HOXB4: variants seen among roughly 807,000 people sequenced by gnomAD.
HOXB4 encodes homeobox B4.
HOXB4 carries 13 observed loss-of-function variants against 20.0 expected under a neutral mutation model. That is an observed-to-expected ratio of 0.65 (90% CI 0.42 to 1.03). The LOEUF is 1.03. HOXB4 is among the 50% of genes least tolerant of loss of function. HOXB4 has a pLI of 0.00. For missense variants in HOXB4, 343 were observed against 357.1 expected (o/e 0.96, Z 0.32); for synonymous variants, 173 against 148.9 (o/e 1.16, Z -1.18).
At chr17:48,577,489 T>C (rs2069805131) in intron 1 of HOXB4, among the ~76,000 whole-genome samples, 2 of 152,146 alleles carry the variant, frequency 1.3e-5, no homozygotes, top group Non-Finnish European at 2.9e-5. Flanking sequence ...AAAAAATAAA[T>C]ACTGGGAGTT....
Position 48,577,263 on chromosome 17 carries a change from T to C in HOXB4, c.458-243A>G, listed in dbSNP as rs560760089. Among the ~76,000 whole-genome samples the C allele has an allele frequency of 2.6e-5, 4 of 152,088 alleles. No individual in the cohort carries two copies. In the South Asian group the frequency reaches 6.2e-4, roughly 24 times the overall value. ...GGGTGTGTGGTGGGGAAGGGGGGCG[T>C]GTGAGGACTCCCCCAAGGTTTTAAT... On this transcript the variant is annotated intron_variant, in intron 1 of 1. Coordinates refer to ENST00000332503, the MANE Select transcript of HOXB4 (RefSeq NM_024015.5).
chr17:48,576,406 AG>A lies in HOXB4; in HGVS notation c.*315del, dbSNP rs1476387708. 1 of 251,364 alleles carries A rather than the reference AG, an allele frequency of 4.0e-6. No individual in the cohort carries two copies. The highest frequency in any genetic ancestry group is 7.5e-6 in the Non-Finnish European group (1 of 133,210). 15.6% of individuals were successfully genotyped at this position (251,364 alleles called of 1,614,324 possible). A position where few individuals can be genotyped will look rare whatever the true frequency, so the allele number is the denominator to read the frequency against. On this transcript the variant is annotated 3_prime_UTR_variant, in exon 2 of 2. Transcript: ENST00000332503. ...GCCAAAGCTGAAAACGAGGAGCTGCAGCCTCCTCCTATTTCTCTTTCTGTCT... is the reference window on the plus strand; with the variant it reads ...GCCAAAGCTGAAAACGAGGAGCTGCACCTCCTCCTATTTCTCTTTCTGTCT...
At position 48,576,710 on chromosome 17, in the gene HOXB4, C is replaced by A; in HGVS notation, c.*12G>T. On this transcript the variant is annotated 3_prime_UTR_variant, in exon 2 of 2. Transcript: ENST00000332503. ...CCCACCCCGAGGTTCGTGGCTCCCG[C>A]GTGCGGGGGCACTAGAGCGCGCGGG... is the stretch of plus-strand genomic sequence containing the variant. 1 of 1,582,148 alleles carries A rather than the reference C, an allele frequency of 6.3e-7. No homozygotes were observed. The highest frequency in any genetic ancestry group is 8.6e-7 in the Non-Finnish European group (1 of 1,163,606).
chr17:48,576,998 C>T lies in HOXB4; in HGVS notation c.480G>A (p.Gly160=). Reference sequence around the variant, plus strand: ...AGGCGGTCCGAGAGCGCTTGGGCTCCCCGCCGGCGTAATTGGGGTTTACTG... The same window carrying T: ...AGGCGGTCCGAGAGCGCTTGGGCTCTCCGCCGGCGTAATTGGGGTTTACTG... ...VSTVNPNYAG[G]EPKRSRTAYT... Residue 160 remains glycine (G), a synonymous_variant, in exon 2 of 2, where the codon GGG becomes GGA. Coordinates refer to ENST00000332503, the MANE Select transcript of HOXB4 (RefSeq NM_024015.5). 1 of 1,605,620 alleles carries T rather than the reference C, an allele frequency of 6.2e-7. No homozygotes were observed.
Position 48,578,296 on chromosome 17 carries a change from G to A in HOXB4, c.24C>T (p.Ile8=). Residue 8 remains isoleucine, a synonymous_variant, in exon 1 of 2, where the codon ATC becomes ATT. Coordinates refer to ENST00000332503, the MANE Select transcript of HOXB4 (RefSeq NM_024015.5). ...ACTTGGGGTCGACATAGTTTGAGTTGATCAAAAAAGAACTCATAGCCATTA... is the reference window on the plus strand; with the variant it reads ...ACTTGGGGTCGACATAGTTTGAGTTAATCAAAAAAGAACTCATAGCCATTA... The part of the protein sequence containing the change: MAMSSFL[I]NSNYVDPKFP... The A allele has an allele frequency of 6.2e-7, 1 of 1,609,066 alleles. No individual in the cohort carries two copies. Among genetic ancestry groups the A allele is most frequent in the Non-Finnish European group, 8.5e-7 (1 of 1,177,736 alleles).
rs2069755008 is a variant in HOXB4, at chr17:48,576,236, G to A, written c.*486C>T. 1 of 153,530 alleles carries A rather than the reference G, an allele frequency of 6.5e-6. No homozygotes were observed. The highest frequency in any genetic ancestry group is 1.5e-5 in the Non-Finnish European group (1 of 68,738). The allele number at this position is 153,530 out of a possible 1,614,324, so 9.5% of individuals were successfully genotyped here. On this transcript the variant is annotated 3_prime_UTR_variant, in exon 2 of 2. Transcript: ENST00000332503. Reference sequence around the variant, plus strand: ...GTCTTCCAGCAGCGGCAGTAGCAGAGGCGGAGGCGGCCGAGCCGGGCCTCA... The same window carrying A: ...GTCTTCCAGCAGCGGCAGTAGCAGAAGCGGAGGCGGCCGAGCCGGGCCTCA...
rs1384194658 is a variant in HOXB4, at chr17:48,577,915, C to T, written c.405G>A (p.Ala135=). The T allele has an allele frequency of 1.5e-6, 2 of 1,372,858 alleles. No homozygotes were observed. The highest frequency in any genetic ancestry group is 1.9e-6 in the Non-Finnish European group (2 of 1,056,118). The allele number at this position is 1,372,858 out of a possible 1,614,324, so 85.0% of individuals were successfully genotyped here. The change falls in exon 1 of 2, where the codon GCG becomes GCA. Residue 135 remains alanine, a synonymous_variant. Coordinates refer to ENST00000332503, the MANE Select transcript of HOXB4 (RefSeq NM_024015.5). ...AGGGGTAGACGACGGGCTCTTTGCA[C>T]GCGGAGTGGGACGGGCTGGGGTGCA... ...NPLHPSPSHS[A]CKEPVVYPWM...
Position 48,577,802 on chromosome 17 carries a change from C to T in HOXB4, c.457+61G>A, listed in dbSNP as rs916169008. 10 of 1,334,220 alleles carry T rather than the reference C, an allele frequency of 7.5e-6. No homozygotes were observed. The African/African-American group carries it at 1.5e-4, about 20-fold the overall frequency. 82.6% of individuals were successfully genotyped at this position (1,334,220 alleles called of 1,614,324 possible). ...TCAACCCCCCCCCAACCCATGCCTC[C>T]GAAGTCCCTTTGGTGTAAAGCTCCA... On this transcript the variant is annotated intron_variant, in intron 1 of 1. Coordinates refer to ENST00000332503, the MANE Select transcript of HOXB4 (RefSeq NM_024015.5).
rs773095841 is a variant in HOXB4, at chr17:48,577,968, G to T, written c.352C>A (p.Pro118Thr). The change falls in exon 1 of 2, where the codon CCG (proline) becomes ACG (threonine). Residue 118 changes from proline (P) to threonine (T), a missense_variant. Physicochemically the swap from Pro to Thr is conservative, Grantham distance 38. Around this residue, in one of 3 missense-constraint regions of HOXB4, gnomAD observed 241 missense variants for 222.0 expected, o/e 1.09. Transcript: ENST00000332503. ...QRCEAVSSSP[P>T]PPPCAQNPLH... is the part of the protein sequence containing the mutation. ...GGGTTCTGGGCGCAGGGAGGCGGCG[G>T]GGGGCTGCTGCTGACCGCCTCGCAG... 4 of 1,313,302 alleles carry T rather than the reference G, an allele frequency of 3.0e-6. No individual in the cohort carries two copies. Among genetic ancestry groups the T allele is most frequent in the Admixed American group, 3.1e-5 (1 of 32,734 alleles). The allele number at this position is 1,313,302 out of a possible 1,614,324, so 81.4% of individuals were successfully genotyped here. A position where few individuals can be genotyped will look rare whatever the true frequency, so the allele number is the denominator to read the frequency against.
In HOXB4 at chr17:48,577,898, A is replaced by G; in HGVS notation, c.422T>C (p.Val141Ala). ...PSHSACKEPV[V>A]YPWMRKVHVS... is the part of the protein sequence containing the mutation. ...GTGAACTTTGCGCATCCAGGGGTAG[A>G]CGACGGGCTCTTTGCACGCGGAGTG... Residue 141 changes from valine (V) to alanine (A), a missense_variant, in exon 1 of 2, where the codon GTC becomes GCC. By Grantham distance (64) the Val-to-Ala change is moderately conservative (BLOSUM62 0). This residue lies in a region of HOXB4 where 241 missense variants were observed against 222.0 expected (regional missense o/e 1.09). Coordinates refer to ENST00000332503, the MANE Select transcript of HOXB4 (RefSeq NM_024015.5). 7.2e-7 allele frequency: 1 copy of G among 1,381,894 alleles called. No individual in the cohort carries two copies. The highest frequency in any genetic ancestry group is 2.1e-5 in the South Asian group (1 of 48,596). 85.6% of individuals were successfully genotyped at this position (1,381,894 alleles called of 1,614,324 possible).
Position 48,576,784 on chromosome 17 carries a change from C to T in HOXB4, c.694G>A (p.Gly232Ser), listed in dbSNP as rs2069779450. 5 of 1,614,046 alleles carry T rather than the reference C, an allele frequency of 3.1e-6. No individual in the cohort carries two copies. The South Asian group carries it at 4.4e-5, about 14-fold the overall frequency. Reference protein sequence around the residue: ...KLPNTKIRSGGAAGSAGGPPG... With the variant: ...KLPNTKIRSGSAAGSAGGPPG... ...GGCCCTCCGGCTGAGCCTGCCGCAC[C>T]ACCCGAGCGGATCTTGGTGTTGGGC... is the stretch of plus-strand genomic sequence containing the variant. The change falls in exon 2 of 2, where the codon GGT becomes AGT. Residue 232 changes from glycine to serine, a missense_variant. Gly to Ser is a moderately conservative substitution (Grantham distance 56, BLOSUM62 0). Coordinates refer to ENST00000332503, the MANE Select transcript of HOXB4 (RefSeq NM_024015.5).
In HOXB4 at chr17:48,578,155, C is replaced by T. The variant is rs1308987061; in HGVS notation, c.165G>A (p.Gly55=). 7 of 1,597,462 alleles carry T rather than the reference C, an allele frequency of 4.4e-6. No individual in the cohort carries two copies. Among genetic ancestry groups the T allele is most frequent in the African/African-American group, 2.7e-5 (2 of 74,586 alleles). ...GCTGCACGGTGCACGCCGCGCGCCG[C>T]CCGAAGCCCGCCTCCGGCTGGAAGC... ...ESSFQPEAGF[G]RRAACTVQRY... is the part of the protein sequence containing the mutation. The change falls in exon 1 of 2, where the codon GGG becomes GGA. Residue 55 remains glycine (G), a synonymous_variant. Transcript: ENST00000332503.
Position 48,578,108 on chromosome 17 carries a change from G to T in HOXB4, c.212C>A (p.Pro71His). Residue 71 changes from proline (P) to histidine (H), a missense_variant, in exon 1 of 2, where the codon CCT becomes CAT. Transcript: ENST00000332503. ...TGGTGGCGGAGGCGGCGGGGGCCCAGGGTCCCGGCAGGCCGCGTAGCGCTG... is the reference window on the plus strand; with the variant it reads ...TGGTGGCGGAGGCGGCGGGGGCCCATGGTCCCGGCAGGCCGCGTAGCGCTG... ...TVQRYAACRDPGPPPPPPPPP... is the reference protein window; with the variant it reads ...TVQRYAACRDHGPPPPPPPPP... 2 of 1,262,968 alleles carry T rather than the reference G, an allele frequency of 1.6e-6. No homozygotes were observed. The highest frequency in any genetic ancestry group is 3.1e-5 in the African/African-American group (2 of 63,546). The allele number at this position is 1,262,968 out of a possible 1,614,324, so 78.2% of individuals were successfully genotyped here. A position where few individuals can be genotyped will look rare whatever the true frequency, so the allele number is the denominator to read the frequency against.
intron 1 of HOXB4, 102 bp from the exon 2 acceptor site, chr17:48,577,122 C>G: frequency 8.5e-7 from 1 of 1,171,476 alleles, no homozygotes; most frequent in Non-Finnish European, 1.2e-6. Flanking sequence ...CTCCCTCTCC[C>G]GCCACCTCTT....
rs559028384 is a variant in HOXB4, at chr17:48,575,610, G to A, written c.*1112C>T. On this transcript the variant is annotated 3_prime_UTR_variant, in exon 2 of 2. Transcript: ENST00000332503. ...CTAGACTCAAGCAGCCCCAGAGGTA[G>A]GAAGGGGCCTGGTTTTGGAATGTCA... The A allele has an allele frequency of 2.0e-5, 3 of 152,646 alleles. No individual in the cohort carries two copies. Among genetic ancestry groups the A allele is most frequent in the South Asian group, 4.2e-4 (2 of 4,810 alleles). The allele number at this position is 152,646 out of a possible 1,614,324, so 9.5% of individuals were successfully genotyped here.
Position 48,576,927 on chromosome 17 carries a change from T to G in HOXB4, c.551A>C (p.Asn184Thr). Residue 184 changes from asparagine to threonine, a missense_variant, in exon 2 of 2, where the codon AAC becomes ACC. Coordinates refer to ENST00000332503, the MANE Select transcript of HOXB4 (RefSeq NM_024015.5). ...CCTCCGGCGCCGTGTCAGGTAGCGG[T>G]TGTAGTGAAATTCCTTCTCCAGCTC... is the stretch of plus-strand genomic sequence containing the variant. ...VLELEKEFHYNRYLTRRRRVE... is the reference protein window; with the variant it reads ...VLELEKEFHYTRYLTRRRRVE... 6.2e-7 allele frequency: 1 copy of G among 1,614,028 alleles called. No homozygotes were observed.
At position 48,576,750 on chromosome 17, in the gene HOXB4, C is replaced by T. The variant is rs149049923; in HGVS notation, c.728G>A (p.Arg243Gln). The stretch of plus-strand genomic sequence containing the variant: ...GAGCGCGCGGGGGCCTCCATTGGGC[C>T]GGCCAGGGGGCCCTCCGGCTGAGCC... ...AAGSAGGPPGRPNGGPRAL is the reference protein window; with the variant it reads ...AAGSAGGPPGQPNGGPRAL The change falls in exon 2 of 2, where the codon CGG becomes CAG. Residue 243 changes from arginine (R) to glutamine (Q), a missense_variant. Physicochemically the swap from Arg to Gln is conservative, Grantham distance 43. Coordinates refer to ENST00000332503, the MANE Select transcript of HOXB4 (RefSeq NM_024015.5). 2.1e-4 allele frequency: 340 copies of T among 1,612,406 alleles called. No homozygotes were observed. Among genetic ancestry groups the T allele is most frequent in the Non-Finnish European group, 2.8e-4 (329 of 1,179,264 alleles).
rs1242102189 is a variant in HOXB4, at chr17:48,577,883, C to A, written c.437G>T (p.Arg146Leu). ...CKEPVVYPWM[R>L]KVHVSTVNPN... ...CTCACCCGTGCTCACGTGAACTTTG[C>A]GCATCCAGGGGTAGACGACGGGCTC... Residue 146 changes from arginine (R) to leucine (L), a missense_variant, in exon 1 of 2, where the codon CGC becomes CTC. Physicochemically the swap from Arg to Leu is moderately radical, Grantham distance 102. Transcript: ENST00000332503. 3 of 1,391,872 alleles carry A rather than the reference C, an allele frequency of 2.2e-6. No homozygotes were observed. The highest frequency in any genetic ancestry group is 2.9e-5 in the Admixed American group (1 of 34,324). The allele number at this position is 1,391,872 out of a possible 1,614,324, so 86.2% of individuals were successfully genotyped here.
Position 48,578,172 on chromosome 17 carries a change from G to T in HOXB4, c.148C>A (p.Pro50Thr). The T allele has an allele frequency of 6.2e-7, 1 of 1,609,484 alleles. No homozygotes were observed. The highest frequency in any genetic ancestry group is 1.1e-5 in the South Asian group (1 of 90,648). ...GCGCGCCGCCCGAAGCCCGCCTCCG[G>T]CTGGAAGCTGCTCTCTCGCCTCTGG... ...GGQRRESSFQ[P>T]EAGFGRRAAC... is the part of the protein sequence containing the mutation. Residue 50 changes from proline to threonine, a missense_variant, in exon 1 of 2, where the codon CCG (proline) becomes ACG (threonine). By Grantham distance (38) the Pro-to-Thr change is conservative (BLOSUM62 -1). This residue lies in a region of HOXB4 where 241 missense variants were observed against 222.0 expected (regional missense o/e 1.09). Transcript: ENST00000332503.
Sources: gnomAD v4.1 joint callset for allele counts (sites outside exome capture counted in the v4.1 genomes callset) on GRCh38, gnomAD v4.1.1 for gene constraint, gnomAD v4.1.1 regional missense constraint, MANE v1.5 for transcripts, NCBI Gene and HGNC (gene_info 2026-07-23, HGNC 2026-07-21) for gene names.